The following CCSER1 variants were observed in gnomAD, a reference collection of about 807,000 sequenced individuals.
CCSER1 encodes the protein coiled-coil serine rich protein 1.
A neutral mutation model predicts 82.0 loss-of-function variants in CCSER1; 41 were observed. The observed-to-expected ratio is 0.50, with a 90% CI of 0.39 to 0.65. The LOEUF is 0.65. Ranked by LOEUF, CCSER1 falls within the 30% of genes least tolerant of loss-of-function variation. The pLI, the probability that CCSER1 is intolerant of heterozygous loss-of-function variation, is 0.00. For synonymous variants in CCSER1, 414 were observed against 383.9 expected, an observed-to-expected ratio of 1.08 and a Z score of -0.92; for missense variants, 1,119 against 1,064.2, an observed-to-expected ratio of 1.05 and a Z score of -0.72.
intron 9 of CCSER1, among the ~76,000 whole-genome samples, chr4:91,052,446 A>G (rs1346998436): frequency 2.6e-5 from 4 of 152,092 alleles, no homozygotes; most frequent in African/African-American, 9.7e-5. Context: ...TATTGTATTT[A>G]TTACACTTAT....
intron 8 of CCSER1, among the ~76,000 whole-genome samples, chr4:90,893,321 C>T (rs1235987129): frequency 1.3e-5 from 2 of 152,054 alleles, no homozygotes; most frequent in South Asian, 2.1e-4. Context: ...GACAGTTTTA[C>T]AAAGCTGTAA....
chr4:91,383,348 T>TCATTTATCACA (rs1339817449), intron 10 of CCSER1, among the ~76,000 whole-genome samples: 33 of 152,026 alleles, frequency 2.2e-4, no homozygotes, highest in African/African-American at 7.2e-4. Flanking sequence ...TCATGTTATC[T>TCATTTATCACA]CACTTTTTTT....
intron 10 of CCSER1, among the ~76,000 whole-genome samples, chr4:91,215,644 G>C (rs1315116030): frequency 6.6e-6 from 1 of 152,150 alleles, no homozygotes; most frequent in Non-Finnish European, 1.5e-5. Context: ...TGATTAGATG[G>C]TGCCACGCAG....
chr4:90,929,273 A>C (rs1184276459), intron 9 of CCSER1, among the ~76,000 whole-genome samples: 1 of 152,192 alleles, frequency 6.6e-6, no homozygotes. Context: ...ATAATTCTAA[A>C]AATTTATAAC....
chr4:90,207,289 G>C (rs1054615507), intron 1 of CCSER1, among the ~76,000 whole-genome samples: 13 of 152,048 alleles, frequency 8.5e-5, no homozygotes, highest in Non-Finnish European at 1.5e-4. Context: ...TGATTTGTCT[G>C]TTGATACTTG....
chr4:91,351,985 A>T (rs549526565), intron 10 of CCSER1, among the ~76,000 whole-genome samples: 106 of 152,324 alleles, frequency 7.0e-4, no homozygotes, highest in Non-Finnish European at 1.4e-3. Context: ...GAAACACAGA[A>T]GTACCAATGG....
chr4:90,186,251 A>G (rs1174223215), intron 1 of CCSER1, among the ~76,000 whole-genome samples: 2 of 151,980 alleles, frequency 1.3e-5, no homozygotes, highest in Non-Finnish European at 2.9e-5. Flanking sequence ...CATAAAATAA[A>G]AGTGCTTACT....
intron 10 of CCSER1, among the ~76,000 whole-genome samples, chr4:91,441,721 C>T (rs1241907426): frequency 6.6e-6 from 1 of 152,032 alleles, no homozygotes; most frequent in Non-Finnish European, 1.5e-5. Flanking sequence ...TCTAGAAAAC[C>T]CCATTGTCTC....
chr4:90,749,958 T>C (rs1748299803), intron 7 of CCSER1, among the ~76,000 whole-genome samples: 1 of 152,020 alleles, frequency 6.6e-6, no homozygotes, highest in Admixed American at 6.6e-5. Context: ...CACCTGTTGT[T>C]TCCTGACTTT....
intron 6 of CCSER1, among the ~76,000 whole-genome samples, chr4:90,691,784 G>A (rs748968437): frequency 1.6e-4 from 24 of 151,378 alleles, no homozygotes; most frequent in Non-Finnish European, 2.2e-4. Context: ...TTTGGCATAC[G>A]GATTATTTCA....
intron 10 of CCSER1, among the ~76,000 whole-genome samples, chr4:91,130,641 T>A (rs1370245841): frequency 2.0e-5 from 3 of 151,912 alleles, no homozygotes; most frequent in Admixed American, 1.3e-4. Flanking sequence ...TATTTGATGA[T>A]CTCAATTAAC....
At chr4:91,287,229 T>C (rs1202408658) in intron 10 of CCSER1, among the ~76,000 whole-genome samples, 1 of 151,878 alleles carries the variant, frequency 6.6e-6, no homozygotes, top group Non-Finnish European at 1.5e-5. Context: ...ATGTATTTAC[T>C]GAAAATAATA....
At chr4:91,534,800 T>G (rs994611828) in intron 10 of CCSER1, among the ~76,000 whole-genome samples, 1 of 151,878 alleles carries the variant, frequency 6.6e-6, no homozygotes, top group Non-Finnish European at 1.5e-5. Flanking sequence ...TTTGGACATT[T>G]TATAGTAAAA....
chr4:91,328,407 C>T (rs554953084), intron 10 of CCSER1, among the ~76,000 whole-genome samples: 4 of 152,102 alleles, frequency 2.6e-5, no homozygotes, highest in Non-Finnish European at 5.9e-5. Flanking sequence ...CATTTTTAAA[C>T]AACCAGACCT....
chr4:90,702,412 G>A (rs1338634269), intron 6 of CCSER1, among the ~76,000 whole-genome samples: 2 of 152,122 alleles, frequency 1.3e-5, no homozygotes, highest in African/African-American at 2.4e-5. Context: ...ATGTTCATCA[G>A]GGATATTGGT....
At chr4:90,735,812 G>A (rs1376684404) in intron 7 of CCSER1, among the ~76,000 whole-genome samples, 1 of 151,962 alleles carries the variant, frequency 6.6e-6, no homozygotes, top group Non-Finnish European at 1.5e-5. Context: ...TTTATTTGAA[G>A]TGTTTCTACT....
At position 91,407,228 on chromosome 4, in the gene CCSER1, A is replaced by G. The variant is rs1183902411; in HGVS notation, c.2218-191344A>G. On this transcript the variant is annotated intron_variant, in intron 10 of 10. Transcript: ENST00000509176. ...TATACAAATTACTTTGAACAACTCG[A>G]GATCCAAATCATTAAAGCTCTCAAA... is the stretch of plus-strand genomic sequence containing the variant. Among the ~76,000 whole-genome samples, 3 of 152,352 alleles carry G rather than the reference A, an allele frequency of 2.0e-5. No homozygotes were observed. In the East Asian group the frequency reaches 5.8e-4, roughly 29 times the overall value.
At chr4:90,250,493 C>T (rs1445965269) in intron 1 of CCSER1, among the ~76,000 whole-genome samples, 1 of 151,890 alleles carries the variant, frequency 6.6e-6, no homozygotes, top group African/African-American at 2.4e-5. Context: ...ATTGATTTTC[C>T]CTCTCACCCT....
chr4:91,358,462 G>C (rs907000107), intron 10 of CCSER1, among the ~76,000 whole-genome samples: 2 of 137,626 alleles, frequency 1.5e-5, no homozygotes, highest in African/African-American at 5.5e-5. Flanking sequence ...ACAAAGAACA[G>C]GTAAAGAGGG....
Sources: allele counts gnomAD v4.1 joint callset (sites outside exome capture counted in the v4.1 genomes callset), GRCh38; gene constraint gnomAD v4.1.1; transcripts MANE v1.5; gene names NCBI Gene and HGNC (gene_info 2026-07-23, HGNC 2026-07-21).